The following PPFIA2 variants were observed in gnomAD, a reference collection of about 807,000 sequenced individuals.
The protein encoded by PPFIA2 is liprin-alpha-2.
Under a neutral mutation model 175.5 loss-of-function variants are expected in PPFIA2, and 46 were observed. The observed-to-expected ratio is 0.26, with a 90% CI of 0.21 to 0.34. The LOEUF (loss-of-function observed/expected upper bound fraction) is 0.34, where lower values mean the gene tolerates loss of function less well. Ranked by LOEUF, PPFIA2 falls within the 10% of genes least tolerant of loss-of-function variation. The probability of loss-of-function intolerance (pLI) is 1.00; values close to 1 mark genes in which losing one functional copy is unlikely to be tolerated. For missense variants in PPFIA2, 1,179 were observed against 1,506.1 expected (o/e 0.78, Z 3.60); for synonymous variants, 568 against 511.4 (o/e 1.11, Z -1.49).
intron 4 of PPFIA2, among the ~76,000 whole-genome samples, chr12:81,589,478 A>T (rs140321006): frequency 1.3e-5 from 2 of 152,124 alleles, no homozygotes; most frequent in Non-Finnish European, 2.9e-5. Flanking sequence ...TAACGACTAC[A>T]TGAGGGGGTG....
intron 3 of PPFIA2, among the ~76,000 whole-genome samples, chr12:81,711,446 T>A (rs1484143333): frequency 6.6e-6 from 1 of 151,402 alleles, no homozygotes; most frequent in East Asian, 2.0e-4. Context: ...CTATATGAAC[T>A]AATTATAGAA....
chr12:81,399,969 A>G (rs1382750498), intron 8 of PPFIA2, among the ~76,000 whole-genome samples: 1 of 152,192 alleles, frequency 6.6e-6, no homozygotes, highest in Non-Finnish European at 1.5e-5. Flanking sequence ...TGTTGGCCGT[A>G]GTTAACATGT....
At chr12:81,609,014 G>T (rs566815407) in intron 4 of PPFIA2, among the ~76,000 whole-genome samples, 8 of 151,906 alleles carry the variant, frequency 5.3e-5, no homozygotes, top group Admixed American at 3.3e-4. Context: ...TAATTTCAAA[G>T]AATTTTTTTT....
At chr12:81,360,911 G>GA (rs2029874104) in intron 15 of PPFIA2, among the ~76,000 whole-genome samples, 1 of 151,560 alleles carries the variant, frequency 6.6e-6, no homozygotes, top group Non-Finnish European at 1.5e-5. Context: ...GATATAATCA[G>GA]AAAAATATCA....
intron 20 of PPFIA2, 139 bp downstream of exon 20, chr12:81,340,939 G>A: frequency 1.1e-6 from 1 of 920,794 alleles, no homozygotes; most frequent in Non-Finnish European, 1.5e-6. Flanking sequence ...TATTTCACAA[G>A]TGATACTGGG....
intron 17 of PPFIA2, among the ~76,000 whole-genome samples, chr12:81,350,760 A>G (rs2059869626): frequency 6.6e-6 from 1 of 152,106 alleles, no homozygotes; most frequent in Non-Finnish European, 1.5e-5. Flanking sequence ...TGGTATATGG[A>G]GAACTAGCAT....
At chr12:81,449,980 T>A (rs2052195950) in intron 5 of PPFIA2, among the ~76,000 whole-genome samples, 1 of 152,088 alleles carries the variant, frequency 6.6e-6, no homozygotes, top group Admixed American at 6.5e-5. Context: ...CATCCTTTTT[T>A]ATGGCTGCAT....
At chr12:81,692,129 C>CACAT (rs2075328025) in intron 3 of PPFIA2, among the ~76,000 whole-genome samples, 1 of 151,596 alleles carries the variant, frequency 6.6e-6, no homozygotes, top group Non-Finnish European at 1.5e-5. Context: ...CACACACACA[C>CACAT]ACACAAAACC....
chr12:81,704,090 G>A (rs1408546759), intron 3 of PPFIA2, among the ~76,000 whole-genome samples: 1 of 152,080 alleles, frequency 6.6e-6, no homozygotes, highest in East Asian at 1.9e-4. Flanking sequence ...TATTCACTAA[G>A]GGATGCTTAG....
intron 4 of PPFIA2, among the ~76,000 whole-genome samples, chr12:81,494,603 C>A (rs1246298696): frequency 6.6e-6 from 1 of 151,738 alleles, no homozygotes; most frequent in Non-Finnish European, 1.5e-5. Flanking sequence ...GGTATATACC[C>A]AAAGGACTAT....
At chr12:81,490,422 T>C (rs926584168) in intron 4 of PPFIA2, among the ~76,000 whole-genome samples, 22 of 151,908 alleles carry the variant, frequency 1.4e-4, no homozygotes, top group African/African-American at 5.3e-4. Context: ...TGGTAGTGTC[T>C]CTCACCATTT....
At chr12:81,362,808 T>A (rs2031392012) in intron 14 of PPFIA2, 24 bp from the exon 15 acceptor site, 1 of 1,414,360 alleles carries the variant, frequency 7.1e-7, no homozygotes, top group East Asian at 2.5e-5. Flanking sequence ...ACAGTGTTAC[T>A]CAGATGCCAG....
chr12:81,678,708 G>A (rs954516845), intron 3 of PPFIA2, among the ~76,000 whole-genome samples: 13 of 151,874 alleles, frequency 8.6e-5, no homozygotes, highest in East Asian at 1.9e-4. Flanking sequence ...GAGAATTAAG[G>A]CAATATAGAA....
chr12:81,654,558 G>A (rs2067494794), intron 4 of PPFIA2, among the ~76,000 whole-genome samples: 1 of 151,960 alleles, frequency 6.6e-6, no homozygotes, highest in African/African-American at 2.4e-5. Context: ...AGCATTTATG[G>A]AATAAACCCA....
At chr12:81,396,462 C>T (rs1479249546) in intron 8 of PPFIA2, among the ~76,000 whole-genome samples, 1 of 151,914 alleles carries the variant, frequency 6.6e-6, no homozygotes, top group Non-Finnish European at 1.5e-5. Flanking sequence ...GCAATTCAGA[C>T]AAAGGAAAGA....
intron 3 of PPFIA2, among the ~76,000 whole-genome samples, chr12:81,719,071 T>A (rs1371687554): frequency 1.3e-5 from 2 of 151,632 alleles, no homozygotes; most frequent in Non-Finnish European, 3.0e-5. Context: ...TGGAAGATAA[T>A]CATTAAGTAG....
intron 4 of PPFIA2, among the ~76,000 whole-genome samples, chr12:81,639,338 T>C (rs951322921): frequency 3.9e-5 from 6 of 152,078 alleles, no homozygotes; most frequent in African/African-American, 1.2e-4. Context: ...AAACAACATT[T>C]AGCACATCTC....
At chr12:81,312,135 C>T (rs914642728) in intron 22 of PPFIA2, 13 of 1,533,614 alleles carry the variant, frequency 8.5e-6, no homozygotes, top group Admixed American at 2.0e-5. Context: ...TAAACATGTT[C>T]AGCAGCCATT....
rs2153658822 is a variant in PPFIA2, at chr12:81,745,405, G to C, written c.249+8568C>G. ...CTCAGGGCCTGTGAAAAGAAACTTG[G>C]AGGGGAAAGACCACAGTGGCATGTG... On this transcript the variant is annotated intron_variant, in intron 3 of 32. Coordinates refer to ENST00000549396, the MANE Select transcript of PPFIA2 (RefSeq NM_003625.5). Among the ~76,000 whole-genome samples the C allele has an allele frequency of 2.0e-5, 3 of 152,288 alleles. No individual in the cohort carries two copies. In the East Asian group the frequency reaches 5.8e-4, roughly 30 times the overall value.
Sources: allele counts gnomAD v4.1 joint callset (sites outside exome capture counted in the v4.1 genomes callset), GRCh38; gene constraint gnomAD v4.1.1; transcripts MANE v1.5; gene names NCBI Gene and HGNC (gene_info 2026-07-23, HGNC 2026-07-21).